Variants in FTO observed in about 807,000 individuals in gnomAD.
FTO encodes the protein FTO alpha-ketoglutarate dependent dioxygenase, also known as alpha-ketoglutarate-dependent dioxygenase FTO.
Under a neutral mutation model 63.9 loss-of-function variants are expected in FTO, and 47 were observed. That is an observed-to-expected ratio of 0.74 (90% CI 0.58 to 0.94). The LOEUF (loss-of-function observed/expected upper bound fraction) is 0.94. FTO is among the 40% of genes least tolerant of loss of function. FTO has a pLI of 0.00. For synonymous variants in FTO, 207 were observed against 224.4 expected (o/e 0.92, Z 0.69); for missense variants, 562 against 618.1 (o/e 0.91, Z 0.96).
At chr16:53,831,759 G>A (rs1208992701) in intron 3 of FTO, among the ~76,000 whole-genome samples, 3 of 152,184 alleles carry the variant, frequency 2.0e-5, no homozygotes, top group Non-Finnish European at 2.9e-5. Context: ...CGGAGAGAAT[G>A]AGCCACTGAG....
chr16:54,053,123 A>G (rs1191639284), intron 8 of FTO, among the ~76,000 whole-genome samples: 1 of 152,220 alleles, frequency 6.6e-6, no homozygotes, highest in African/African-American at 2.4e-5. Flanking sequence ...AGATGAAACC[A>G]TCTTGCCACT....
intron 8 of FTO, chr16:53,998,650 C>T (rs8047473): frequency 0.4 from 61,181 of 151,992 alleles, 12,475 homozygotes; most frequent in Admixed American, 0.48. Context: ...GCTCATAAGC[C>T]CTCTCAGTTG....
At chr16:53,973,910 G>T (rs7185783) in intron 8 of FTO, among the ~76,000 whole-genome samples, 46,623 of 152,052 alleles carry the variant, frequency 0.31, 9,987 homozygotes, top group African/African-American at 0.6. Flanking sequence ...GTAGTAAACT[G>T]CAGAGCATAT....
chr16:53,917,709 A>AGTGTGTGTGT (rs35549801), intron 7 of FTO, among the ~76,000 whole-genome samples: 242 of 143,126 alleles, frequency 1.7e-3, no homozygotes, highest in Non-Finnish European at 2.9e-3. Flanking sequence ...AAATTGAGTG[A>AGTGTGTGTGT]GTGTGTGTGT....
intron 8 of FTO, among the ~76,000 whole-genome samples, chr16:54,042,421 C>G (rs1392471176): frequency 2.2e-5 from 1 of 46,340 alleles, no homozygotes; most frequent in Non-Finnish European, 4.1e-5. Context: ...CGGCGCACCA[C>G]GAGACTATAT....
chr16:54,063,174 G>A lies in FTO; in HGVS notation c.1365-48588G>A, dbSNP rs551622832. Among the ~76,000 whole-genome samples the A allele has an allele frequency of 1.3e-4, 20 of 152,198 alleles. No individual in the cohort carries two copies. The East Asian group carries it at 2.3e-3, about 18-fold the overall frequency. ...GCTGTGCTTACTTTCCGTTTTCCCC[G>A]GAATTTTTCTGATACCAATAGGGGT... On this transcript the variant is annotated intron_variant, in intron 8 of 8. Transcript: ENST00000471389.
chr16:54,027,596 C>G (rs2084743770), intron 8 of FTO, among the ~76,000 whole-genome samples: 1 of 152,102 alleles, frequency 6.6e-6, no homozygotes, highest in African/African-American at 2.4e-5. Flanking sequence ...TCTGAAAATC[C>G]CATGAGTTTA....
At chr16:53,807,122 G>A (rs142700530) in intron 1 of FTO, among the ~76,000 whole-genome samples, 1 of 152,220 alleles carries the variant, frequency 6.6e-6, no homozygotes, top group African/African-American at 2.4e-5. Context: ...TGTAAATATT[G>A]TTATTTAATA....
chr16:53,845,037 G>A lies in FTO; in HGVS notation c.895+739G>A, dbSNP rs80055212. Among the ~76,000 whole-genome samples the A allele has an allele frequency of 2.6e-3, 388 of 152,130 alleles. 14 individuals are homozygous for A. The East Asian group carries it at 0.06, about 24-fold the overall frequency. ...GAAGCAGTTTCTCAGTTGTGGTTAG[G>A]CCAACTGAAGCTGTGGAGTTTGTGA... On this transcript the variant is annotated intron_variant, in intron 4 of 8. Coordinates refer to ENST00000471389, the MANE Select transcript of FTO (RefSeq NM_001080432.3).
intron 8 of FTO, among the ~76,000 whole-genome samples, chr16:54,086,446 T>A (rs2086256464): frequency 6.6e-6 from 1 of 152,200 alleles, no homozygotes; most frequent in Non-Finnish European, 1.5e-5. Flanking sequence ...AATGCAATGA[T>A]AGTCTGAAAA....
At chr16:54,089,408 T>TTCC (rs2086325935) in intron 8 of FTO, among the ~76,000 whole-genome samples, 1 of 152,228 alleles carries the variant, frequency 6.6e-6, no homozygotes, top group Non-Finnish European at 1.5e-5. Context: ...ATATCTCATA[T>TTCC]TCCTTCAGCT....
At chr16:54,064,691 C>T (rs1417864528) in intron 8 of FTO, among the ~76,000 whole-genome samples, 1 of 152,178 alleles carries the variant, frequency 6.6e-6, no homozygotes, top group Non-Finnish European at 1.5e-5. Context: ...TTACAACCCA[C>T]AGCATTCGAT....
intron 1 of FTO, among the ~76,000 whole-genome samples, chr16:53,777,243 C>G (rs182958824): frequency 2.6e-5 from 4 of 152,184 alleles, no homozygotes; most frequent in Non-Finnish European, 5.9e-5. Context: ...CTGGCAATTA[C>G]TGTTCTGCTC....
chr16:53,795,283 A>G (rs2078031956), intron 1 of FTO, among the ~76,000 whole-genome samples: 1 of 152,212 alleles, frequency 6.6e-6, no homozygotes, highest in Admixed American at 6.5e-5. Context: ...AAAGAGACAA[A>G]AGATTTTTTA....
At chr16:54,022,970 G>C (rs2084634489) in intron 8 of FTO, among the ~76,000 whole-genome samples, 1 of 152,220 alleles carries the variant, frequency 6.6e-6, no homozygotes. Context: ...TTGAAACGTG[G>C]AGAGAAATGC....
At chr16:53,783,857 C>T (rs994528950) in intron 1 of FTO, among the ~76,000 whole-genome samples, 1 of 152,008 alleles carries the variant, frequency 6.6e-6, no homozygotes, top group Non-Finnish European at 1.5e-5. Context: ...CTGCTTTGCT[C>T]ATTTAACTGC....
intron 1 of FTO, among the ~76,000 whole-genome samples, chr16:53,750,274 G>T (rs368750421): frequency 6.7e-6 from 1 of 149,888 alleles, no homozygotes; most frequent in Non-Finnish European, 1.5e-5. Flanking sequence ...GTCTCACTCT[G>T]TTTCCCAGGC....
chr16:54,046,983 C>T (rs1335086708), intron 8 of FTO, among the ~76,000 whole-genome samples: 1 of 144,906 alleles, frequency 6.9e-6, no homozygotes, highest in African/African-American at 2.6e-5. Flanking sequence ...AAGATTTAAA[C>T]GTTAGACTTA....
chr16:53,862,738 A>G (rs371083001), intron 4 of FTO, among the ~76,000 whole-genome samples: 5 of 151,694 alleles, frequency 3.3e-5, no homozygotes, highest in African/African-American at 9.7e-5. Flanking sequence ...ACAGTGTTTC[A>G]CCATGTTGGC....
Sources: gnomAD v4.1 joint callset for allele counts (sites outside exome capture counted in the v4.1 genomes callset) on GRCh38, gnomAD v4.1.1 for gene constraint, MANE v1.5 for transcripts, NCBI Gene and HGNC (gene_info 2026-07-23, HGNC 2026-07-21) for gene names.